Variants in KANK1 observed in about 807,000 individuals in gnomAD.
KANK1 encodes the protein KN motif and ankyrin repeat domain-containing protein 1.
KANK1 carries 109 observed loss-of-function variants against 106.2 expected under a neutral mutation model. The ratio of observed to expected loss-of-function variants is 1.03; its 90% CI spans 0.88 to 1.20. The LOEUF is 1.20. Among genes scored for constraint, KANK1 ranks in the 50% most tolerant of loss-of-function variants. The probability of loss-of-function intolerance (pLI) is 0.00; values close to 1 mark genes in which losing one functional copy is unlikely to be tolerated. For synonymous variants in KANK1, 873 were observed against 652.2 expected (o/e 1.34, Z -5.16); for missense variants, 2,399 against 1,710.7 (o/e 1.40, Z -7.10).
At chr9:622,852 A>C (rs1171977241) in intron 1 of KANK1, among the ~76,000 whole-genome samples, 1 of 152,136 alleles carries the variant, frequency 6.6e-6, no homozygotes. Context: ...CAGTGAGCTG[A>C]GATCATGCCA....
At chr9:587,564 A>G (rs554126156) in intron 1 of KANK1, among the ~76,000 whole-genome samples, 27 of 152,286 alleles carry the variant, frequency 1.8e-4, no homozygotes, top group Middle Eastern at 6.8e-3. Context: ...GAGATAATCA[A>G]TGTTAAAATT....
At chr9:521,967 T>C (rs2133237957) in intron 1 of KANK1, among the ~76,000 whole-genome samples, 1 of 151,956 alleles carries the variant, frequency 6.6e-6, no homozygotes, top group South Asian at 2.1e-4. Flanking sequence ...TCATACATGG[T>C]GATCCCTTTT....
intron 1 of KANK1, among the ~76,000 whole-genome samples, chr9:592,725 T>C (rs1327339544): frequency 2.0e-5 from 3 of 151,990 alleles, no homozygotes; most frequent in African/African-American, 7.3e-5. Flanking sequence ...TGACTTGAGA[T>C]AGGAATTAAA....
At chr9:622,014 T>A (rs1160300003) in intron 1 of KANK1, among the ~76,000 whole-genome samples, 1 of 152,210 alleles carries the variant, frequency 6.6e-6, no homozygotes, top group Admixed American at 6.5e-5. Context: ...TAAAAATTTT[T>A]CCAGGTTTTC....
intron 1 of KANK1, among the ~76,000 whole-genome samples, chr9:506,047 T>C (rs1046516226): frequency 2.0e-5 from 3 of 152,180 alleles, no homozygotes; most frequent in Admixed American, 6.5e-5. Flanking sequence ...AATTTACTCT[T>C]CTAAGGTCAA....
intron 1 of KANK1, among the ~76,000 whole-genome samples, chr9:537,509 G>A (rs991820755): frequency 1.3e-5 from 2 of 152,136 alleles, no homozygotes; most frequent in Non-Finnish European, 2.9e-5. Context: ...AAGTAATTTG[G>A]GGGGGCTCTT....
chr9:515,440 A>G (rs1036102963), intron 1 of KANK1, among the ~76,000 whole-genome samples: 1 of 114,450 alleles, frequency 8.7e-6, no homozygotes, highest in Non-Finnish European at 1.7e-5. Context: ...TTCTCTACAC[A>G]TTTATTGTGT....
Position 744,564 on chromosome 9 carries a change from T to C in KANK1, c.3971T>C (p.Val1324Ala), listed in dbSNP as rs1289544487. ...ATCGCTGTTCTTCTGTATGCCCATG[T>C]CAACTTTGCAAAAGCCCAGTCTCCG... ...KDIAVLLYAH[V>A]NFAKAQSPGT... Residue 1324 changes from valine (V) to alanine (A), a missense_variant, in exon 11 of 12, where the codon GTC becomes GCC. Transcript: ENST00000382297. The C allele has an allele frequency of 1.9e-6, 3 of 1,614,052 alleles. No homozygotes were observed. The highest frequency in any genetic ancestry group is 2.5e-6 in the Non-Finnish European group (3 of 1,180,036).
In KANK1 at chr9:705,908, T is replaced by A. The variant is rs183105921; in HGVS notation, c.38-4896T>A. ...GAGCCAGCGTGCTCTCCAAAAAAAATTTTTTTTAATTAAGTTTTTTGCTCT... is the reference window on the plus strand; with the variant it reads ...GAGCCAGCGTGCTCTCCAAAAAAAAATTTTTTTAATTAAGTTTTTTGCTCT... On this transcript the variant is annotated intron_variant, in intron 2 of 11. Coordinates refer to ENST00000382297, the MANE Select transcript of KANK1 (RefSeq NM_015158.5). Among the ~76,000 whole-genome samples, 372 of 151,746 alleles carry A rather than the reference T, an allele frequency of 2.5e-3. 5 individuals are homozygous for A. The highest frequency in any genetic ancestry group is 0.018 in the Admixed American group (279 of 15,268).
chr9:642,110 C>G (rs1177189162), intron 1 of KANK1, among the ~76,000 whole-genome samples: 1 of 152,188 alleles, frequency 6.6e-6, no homozygotes, highest in Non-Finnish European at 1.5e-5. Flanking sequence ...CTTGAGCTCA[C>G]ATGAACTGTT....
chr9:574,330 G>A, intron 1 of KANK1, among the ~76,000 whole-genome samples: 1 of 137,544 alleles, frequency 7.3e-6, no homozygotes, highest in East Asian at 2.0e-4. Flanking sequence ...CATTCCTTTG[G>A]CATATTTTAA....
intron 1 of KANK1, among the ~76,000 whole-genome samples, chr9:612,981 TTTTA>T (rs1830927434): frequency 6.6e-6 from 1 of 152,082 alleles, no homozygotes; most frequent in South Asian, 2.1e-4. Context: ...CACTAATGTG[TTTTA>T]TTTATATGTA....
chr9:720,389 G>C (rs1828985678), intron 3 of KANK1, among the ~76,000 whole-genome samples: 1 of 152,178 alleles, frequency 6.6e-6, no homozygotes, highest in Non-Finnish European at 1.5e-5. Context: ...CTGTCTTCCA[G>C]GCTGGAGTGC....
At chr9:713,820 C>G (rs1025561799) in intron 3 of KANK1, among the ~76,000 whole-genome samples, 6 of 150,998 alleles carry the variant, frequency 4.0e-5, no homozygotes, top group African/African-American at 1.5e-4. Flanking sequence ...TTTAAAAAAT[C>G]CTACCCTGTT....
chr9:533,748 T>C (rs1300273100), intron 1 of KANK1, among the ~76,000 whole-genome samples: 2 of 152,150 alleles, frequency 1.3e-5, no homozygotes, highest in Non-Finnish European at 2.9e-5. Flanking sequence ...GATGCAAAGG[T>C]CATGGGAGCT....
intron 10 of KANK1, among the ~76,000 whole-genome samples, chr9:743,985 T>G (rs1469716730): frequency 6.6e-6 from 1 of 152,230 alleles, no homozygotes; most frequent in African/African-American, 2.4e-5. Flanking sequence ...ATATGTAGTG[T>G]TTCCCCTCTT....
chr9:474,793 C>T (rs2058077294), intron 3 of KANK1, among the ~76,000 whole-genome samples: 1 of 152,176 alleles, frequency 6.6e-6, no homozygotes, highest in Non-Finnish European at 1.5e-5. Flanking sequence ...GGCAGGGTGA[C>T]AATGGAGCAC....
intron 1 of KANK1, among the ~76,000 whole-genome samples, chr9:559,639 G>C (rs1440182927): frequency 6.6e-6 from 1 of 152,196 alleles, no homozygotes; most frequent in Non-Finnish European, 1.5e-5. Flanking sequence ...AATCTTTCAA[G>C]ACGGGAGAAG....
chr9:607,399 C>T (rs931738195), intron 1 of KANK1, among the ~76,000 whole-genome samples: 5 of 146,974 alleles, frequency 3.4e-5, no homozygotes, highest in Admixed American at 7.0e-5. Context: ...GCAGGAGAAT[C>T]GCTTGAATCC....
Sources: allele counts gnomAD v4.1 joint callset (sites outside exome capture counted in the v4.1 genomes callset), GRCh38; gene constraint gnomAD v4.1.1; transcripts MANE v1.5; gene names NCBI Gene and HGNC (gene_info 2026-07-23, HGNC 2026-07-21).